Variants in HNF1A observed in about 807,000 individuals in gnomAD.
HNF1A encodes the protein hepatocyte nuclear factor 1-alpha.
Under a neutral mutation model 62.2 loss-of-function variants are expected in HNF1A, and 21 were observed. That is an observed-to-expected ratio of 0.34 (90% CI 0.24 to 0.49). The LOEUF (loss-of-function observed/expected upper bound fraction) is 0.49. HNF1A is among the 20% of genes least tolerant of loss of function. HNF1A has a pLI of 0.99. For missense variants in HNF1A, 687 were observed against 832.3 expected (o/e 0.83, Z 2.15); for synonymous variants, 374 against 366.8 (o/e 1.02, Z -0.22).
Position 121,001,877 on chromosome 12 carries a change from A to C in HNF1A, c.*685A>C. ...CCCATCCCCAGCGATTCCCTCTCCC[A>C]GGCCCCATGACCTCCAGCTTTCCTG... On this transcript the variant is annotated 3_prime_UTR_variant, in exon 10 of 10. Transcript: ENST00000257555. 1 of 517,226 alleles carries C rather than the reference A, an allele frequency of 1.9e-6. No homozygotes were observed. Among genetic ancestry groups the C allele is most frequent in the Non-Finnish European group, 3.8e-6 (1 of 266,302 alleles). The allele number at this position is 517,226 out of a possible 1,614,324, so 32.0% of individuals were successfully genotyped here.
intron 7 of HNF1A, chr12:120,997,971 T>G: frequency 1.6e-6 from 1 of 613,200 alleles, no homozygotes; most frequent in East Asian, 2.8e-5. Flanking sequence ...TTCTAAAATC[T>G]ATTCAGATTT....
chr12:120,983,428 C>T (rs569866867), intron 1 of HNF1A, among the ~76,000 whole-genome samples: 5 of 152,116 alleles, frequency 3.3e-5, no homozygotes, highest in South Asian at 2.1e-4. Context: ...TGCAAGAGCA[C>T]GCGTGGCTAG....
chr12:120,993,600 C>G lies in HNF1A; in HGVS notation c.607C>G (p.Arg203Gly). ...ELPTKKGRRN[R>G]FKWGPASQQI... ...ACCAACCAAGAAGGGGCGGAGGAAC[C>G]GTTTCAAGTGGGGCCCAGCATCCCA... The change falls in exon 3 of 10, where the codon CGT becomes GGT. Residue 203 changes from arginine (R) to glycine (G), a missense_variant. Physicochemically the swap from Arg to Gly is moderately radical, Grantham distance 125. Around this residue, in one of 5 missense-constraint regions of HNF1A, gnomAD observed 47 missense variants for 52.5 expected, o/e 0.90. Transcript: ENST00000257555. The G allele has an allele frequency of 6.2e-7, 1 of 1,614,094 alleles. No homozygotes were observed. The highest frequency in any genetic ancestry group is 8.5e-7 in the Non-Finnish European group (1 of 1,180,012).
At chr12:120,984,005 G>A (rs1876388763) in intron 1 of HNF1A, among the ~76,000 whole-genome samples, 1 of 151,926 alleles carries the variant, frequency 6.6e-6, no homozygotes, top group Non-Finnish European at 1.5e-5. Flanking sequence ...AAGGGAGTGG[G>A]GGGTAGGGAG....
chr12:121,001,369 AC>A lies in HNF1A; in HGVS notation c.*180del. On this transcript the variant is annotated 3_prime_UTR_variant, in exon 10 of 10. Transcript: ENST00000257555. ...AAAGGGAGGGCTCTGAGGCGCCCCA[AC>A]CCGTGGAGGCTGCTCGGGGTGCACA... 1.3e-6 allele frequency: 1 copy of A among 768,946 alleles called. No individual in the cohort carries two copies. Among genetic ancestry groups the A allele is most frequent in the Non-Finnish European group, 2.1e-6 (1 of 478,768 alleles). The allele number at this position is 768,946 out of a possible 1,614,324, so 47.6% of individuals were successfully genotyped here. A position where few individuals can be genotyped will look rare whatever the true frequency, so the allele number is the denominator to read the frequency against.
intron 1 of HNF1A, among the ~76,000 whole-genome samples, chr12:120,979,459 C>T (rs1344581355): frequency 6.6e-6 from 1 of 152,234 alleles, no homozygotes; most frequent in East Asian, 1.9e-4. Flanking sequence ...CATTTATACT[C>T]TCCAGACCCT....
At position 121,001,504 on chromosome 12, in the gene HNF1A, C is replaced by A; in HGVS notation, c.*312C>A. The A allele has an allele frequency of 4.3e-6, 2 of 461,852 alleles. No homozygotes were observed. The highest frequency in any genetic ancestry group is 8.1e-6 in the Non-Finnish European group (2 of 247,006). The allele number at this position is 461,852 out of a possible 1,614,324, so 28.6% of individuals were successfully genotyped here. On this transcript the variant is annotated 3_prime_UTR_variant, in exon 10 of 10. Coordinates refer to ENST00000257555, the MANE Select transcript of HNF1A (RefSeq NM_000545.8). ...TCTTACTTGGAACTGAAGGGGGCGG[C>A]CTATGACTTGGGCACCCCCAGCCTG...
rs748846450 is a variant in HNF1A, at chr12:121,002,451, A to T, written c.*1259A>T. 1 of 529,886 alleles carries T rather than the reference A, an allele frequency of 1.9e-6. No individual in the cohort carries two copies. The allele number at this position is 529,886 out of a possible 1,614,324, so 32.8% of individuals were successfully genotyped here. A position where few individuals can be genotyped will look rare whatever the true frequency, so the allele number is the denominator to read the frequency against. ...CCGGCACCCCCTGCAGCTTGTAGCC[A>T]GCCGGGGCGAGTGGCACGTTTATTT... On this transcript the variant is annotated 3_prime_UTR_variant, in exon 10 of 10. Transcript: ENST00000257555.
intron 2 of HNF1A, among the ~76,000 whole-genome samples, chr12:120,990,775 CAG>C (rs1273604718): frequency 1.3e-5 from 2 of 151,996 alleles, no homozygotes; most frequent in African/African-American, 4.8e-5. Context: ...AGAAGAAAAA[CAG>C]AGTTTATAAG....
In HNF1A at chr12:121,001,366, C is replaced by A; in HGVS notation, c.*174C>A. On this transcript the variant is annotated 3_prime_UTR_variant, in exon 10 of 10. Transcript: ENST00000257555. ...CAGAAAGGGAGGGCTCTGAGGCGCC[C>A]CAACCCGTGGAGGCTGCTCGGGGTG... 1.2e-6 allele frequency: 1 copy of A among 805,188 alleles called. No homozygotes were observed. The highest frequency in any genetic ancestry group is 2.0e-6 in the Non-Finnish European group (1 of 509,824). The allele number at this position is 805,188 out of a possible 1,614,324, so 49.9% of individuals were successfully genotyped here. A position where few individuals can be genotyped will look rare whatever the true frequency, so the allele number is the denominator to read the frequency against.
At chr12:120,987,424 G>A (rs543622969) in intron 1 of HNF1A, among the ~76,000 whole-genome samples, 4 of 147,324 alleles carry the variant, frequency 2.7e-5, no homozygotes, top group East Asian at 2.0e-4. Flanking sequence ...GCAGTGAGCC[G>A]AGATCGCGCC....
At position 120,979,555 on chromosome 12, in the gene HNF1A, G is replaced by T. The variant is rs528396677; in HGVS notation, c.326+461G>T. ...GAGGGCCCGAAGCTGGGGTTTGGGGGCTTTCCTGGCCTCCTAGGGACTCAT... is the reference window on the plus strand; with the variant it reads ...GAGGGCCCGAAGCTGGGGTTTGGGGTCTTTCCTGGCCTCCTAGGGACTCAT... On this transcript the variant is annotated intron_variant, in intron 1 of 9. Transcript: ENST00000257555. The T allele has an allele frequency of 1.7e-5, 3 of 177,006 alleles. No homozygotes were observed. The South Asian group carries it at 3.8e-4, about 23-fold the overall frequency. 11.0% of individuals were successfully genotyped at this position (177,006 alleles called of 1,614,324 possible). A position where few individuals can be genotyped will look rare whatever the true frequency, so the allele number is the denominator to read the frequency against.
At chr12:120,980,200 A>G (rs1378650900) in intron 1 of HNF1A, among the ~76,000 whole-genome samples, 1 of 152,204 alleles carries the variant, frequency 6.6e-6, no homozygotes, top group Non-Finnish European at 1.5e-5. Flanking sequence ...GAGCTAGACT[A>G]AGTTCACCAA....
chr12:120,990,775 CA>C (rs1876798129), intron 2 of HNF1A, among the ~76,000 whole-genome samples: 2 of 151,996 alleles, frequency 1.3e-5, no homozygotes, highest in Admixed American at 1.3e-4. Flanking sequence ...AGAAGAAAAA[CA>C]GAGTTTATAA....
intron 2 of HNF1A, among the ~76,000 whole-genome samples, chr12:120,992,455 C>T (rs530560298): frequency 5.5e-4 from 83 of 152,208 alleles, no homozygotes; most frequent in Non-Finnish European, 3.8e-4. Flanking sequence ...TTTGAACTTC[C>T]GGGCTCAAGT....
At chr12:120,995,145 A>T (rs2135843799) in intron 4 of HNF1A, among the ~76,000 whole-genome samples, 1 of 141,032 alleles carries the variant, frequency 7.1e-6, no homozygotes, top group East Asian at 2.2e-4. Flanking sequence ...ACTACATTCA[A>T]CTCCACTCCA....
chr12:120,993,742 C>T, intron 3 of HNF1A, 36 bp downstream of exon 3: 2 of 1,608,092 alleles, frequency 1.2e-6, no homozygotes, highest in Non-Finnish European at 1.7e-6. Context: ...CTGGTTTGGT[C>T]TGGGCTGCGG....
chr12:120,988,288 CCATT>C (rs1196524525), intron 1 of HNF1A, among the ~76,000 whole-genome samples: 1 of 147,862 alleles, frequency 6.8e-6, no homozygotes, highest in African/African-American at 2.5e-5. Flanking sequence ...ATCCATCCAT[CCATT>C]CATCCAACCA....
chr12:120,980,272 C>T (rs1876186936), intron 1 of HNF1A, among the ~76,000 whole-genome samples: 1 of 152,148 alleles, frequency 6.6e-6, no homozygotes. Flanking sequence ...GACCAGAGGC[C>T]TGCAGGGGGT....
Sources: gnomAD v4.1 joint callset for allele counts (sites outside exome capture counted in the v4.1 genomes callset) on GRCh38, gnomAD v4.1.1 for gene constraint, gnomAD v4.1.1 regional missense constraint, MANE v1.5 for transcripts, NCBI Gene and HGNC (gene_info 2026-07-23, HGNC 2026-07-21) for gene names.